The following LRRC75A variants were observed in gnomAD, a reference collection of about 807,000 sequenced individuals.
The protein encoded by LRRC75A is leucine-rich repeat-containing protein 75A.
Under a neutral mutation model 26.0 loss-of-function variants are expected in LRRC75A, and 12 were observed. The ratio of observed to expected loss-of-function variants is 0.46; its 90% CI spans 0.30 to 0.75. The LOEUF (loss-of-function observed/expected upper bound fraction) is 0.75, where lower values mean the gene tolerates loss of function less well. LRRC75A is among the 30% of genes least tolerant of loss of function. The probability of loss-of-function intolerance (pLI) is 0.08; values close to 1 mark genes in which losing one functional copy is unlikely to be tolerated. For synonymous variants in LRRC75A, 223 were observed against 219.3 expected (o/e 1.02, Z -0.15); for missense variants, 410 against 486.6 (o/e 0.84, Z 1.48).
At chr17:16,481,684 A>G (rs1380515519) in intron 1 of LRRC75A, among the ~76,000 whole-genome samples, 1 of 152,050 alleles carries the variant, frequency 6.6e-6, no homozygotes, top group Non-Finnish European at 1.5e-5. Context: ...CATTCAGCAC[A>G]GGAGGGGAGA....
intron 2 of LRRC75A, among the ~76,000 whole-genome samples, chr17:16,457,598 T>G (rs2093695206): frequency 6.6e-6 from 1 of 152,218 alleles, no homozygotes; most frequent in Non-Finnish European, 1.5e-5. Context: ...GTAGCAGGGC[T>G]GGTCTAAGTG....
intron 1 of LRRC75A, among the ~76,000 whole-genome samples, chr17:16,482,254 T>G (rs2093836084): frequency 6.6e-6 from 1 of 152,158 alleles, no homozygotes; most frequent in African/African-American, 2.4e-5. Flanking sequence ...TGGCTCCCTG[T>G]GGTGCTGGGT....
intron 1 of LRRC75A, among the ~76,000 whole-genome samples, chr17:16,479,301 C>T (rs926080068): frequency 6.6e-6 from 1 of 152,250 alleles, no homozygotes; most frequent in African/African-American, 2.4e-5. Flanking sequence ...GCCTGAGAGG[C>T]ACAGTGTTCC....
At position 16,491,688 on chromosome 17, in the gene LRRC75A, C is replaced by T. The variant is rs924792739; in HGVS notation, c.246+57G>A. The T allele has an allele frequency of 5.8e-6, 7 of 1,216,196 alleles. No individual in the cohort carries two copies. Among genetic ancestry groups the T allele is most frequent in the South Asian group, 2.5e-5 (1 of 39,882 alleles). The allele number at this position is 1,216,196 out of a possible 1,614,324, so 75.3% of individuals were successfully genotyped here. Reference sequence around the variant, plus strand: ...CTCGGTTAGGGATGGGGCGCCCCCCCCGGCCCAGCACGCCCCCTGGCCCGG... The same window carrying T: ...CTCGGTTAGGGATGGGGCGCCCCCCTCGGCCCAGCACGCCCCCTGGCCCGG... On this transcript the variant is annotated intron_variant, in intron 1 of 3. Transcript: ENST00000470794. This position sits in a 1 kb window ranked among gnomAD's most constrained non-coding sequence, Gnocchi z 5.9.
chr17:16,447,823 T>C (rs1340498006), intron 3 of LRRC75A, 22 bp downstream of exon 3: 1 of 1,507,838 alleles, frequency 6.6e-7, no homozygotes, highest in East Asian at 2.5e-5. Flanking sequence ...GGCATAGACC[T>C]GCCCGGGGGA....
chr17:16,450,303 T>G (rs11078342), intron 2 of LRRC75A, among the ~76,000 whole-genome samples: 29,446 of 152,074 alleles, frequency 0.19, 3,614 homozygotes, highest in Middle Eastern at 0.3. Context: ...AGAGAGGAGT[T>G]GGGAAGATGG....
At chr17:16,450,284 G>C (rs1038137395) in intron 2 of LRRC75A, among the ~76,000 whole-genome samples, 6 of 152,234 alleles carry the variant, frequency 3.9e-5, no homozygotes, top group Non-Finnish European at 8.8e-5. Flanking sequence ...TGAGGAAGGG[G>C]GACAAGAGAG....
rs73978890 is a variant in LRRC75A at position 16,448,279 on chromosome 17, G to A, written c.376-319C>T. ...CTGGCCAAGACTCACCATGATCCCT[G>A]CCACTCCCCAATGTCCAGGGCCGCT... On this transcript the variant is annotated intron_variant, in intron 2 of 3. Transcript: ENST00000470794. The A allele has an allele frequency of 5.5e-3, 2,109 of 382,962 alleles. 40 individuals are homozygous for A. The highest frequency in any genetic ancestry group is 0.041 in the African/African-American group (1,946 of 47,996). 23.7% of individuals were successfully genotyped at this position (382,962 alleles called of 1,614,324 possible).
intron 1 of LRRC75A, among the ~76,000 whole-genome samples, chr17:16,480,157 G>A (rs756166062): frequency 2.0e-5 from 3 of 152,198 alleles, no homozygotes; most frequent in African/African-American, 4.8e-5. Flanking sequence ...GAAGCTCAGC[G>A]CCCTCACTGA....
chr17:16,473,158 C>CGT (rs1568980356), intron 1 of LRRC75A, among the ~76,000 whole-genome samples: 2 of 151,792 alleles, frequency 1.3e-5, no homozygotes, highest in African/African-American at 4.8e-5. Context: ...TGTGCGCGCG[C>CGT]GCCCCAAGAA....
At chr17:16,484,535 C>G (rs1303787259) in intron 1 of LRRC75A, among the ~76,000 whole-genome samples, 2 of 152,114 alleles carry the variant, frequency 1.3e-5, no homozygotes, top group Non-Finnish European at 2.9e-5. Flanking sequence ...TGACCGCCAC[C>G]AACCACTTCC....
At chr17:16,445,158 ATTTTTT>A (rs766449990) in intron 3 of LRRC75A, among the ~76,000 whole-genome samples, 2,121 of 69,676 alleles carry the variant, frequency 0.03, 39 homozygotes, top group African/African-American at 0.04. Flanking sequence ...CATTTTCTGC[ATTTTTT>A]TTTTTTTTTT....
chr17:16,482,897 G>A (rs2093837910), intron 1 of LRRC75A, among the ~76,000 whole-genome samples: 1 of 152,242 alleles, frequency 6.6e-6, no homozygotes, highest in Admixed American at 6.5e-5. Context: ...GTGCCAGGCA[G>A]GGTTCTTGCC....
In LRRC75A at chr17:16,480,639, A is replaced by C. The variant is rs369572905; in HGVS notation, c.246+11106T>G. On this transcript the variant is annotated intron_variant, in intron 1 of 3. Coordinates refer to ENST00000470794, the MANE Select transcript of LRRC75A (RefSeq NM_001113567.3). ...AGCGAGACTTCGTCTCAAAAAAAAA[A>C]AAACAAAAAAAAAAAACTGGAGACC... is the stretch of plus-strand genomic sequence containing the variant. Among the ~76,000 whole-genome samples, 6 of 151,280 alleles carry C rather than the reference A, an allele frequency of 4.0e-5. No homozygotes were observed. The East Asian group carries it at 9.6e-4, about 24-fold the overall frequency.
intron 1 of LRRC75A, among the ~76,000 whole-genome samples, chr17:16,489,568 C>T (rs2143458639): frequency 6.6e-6 from 1 of 152,366 alleles, no homozygotes; most frequent in East Asian, 1.9e-4. Context: ...AGAGCCACTT[C>T]AGTGCACAGC....
At position 16,491,626 on chromosome 17, in the gene LRRC75A, G is replaced by A. The variant is rs1601211404; in HGVS notation, c.246+119C>T. The A allele has an allele frequency of 1.4e-6, 1 of 695,468 alleles. No individual in the cohort carries two copies. Among genetic ancestry groups the A allele is most frequent in the Non-Finnish European group, 2.0e-6 (1 of 505,192 alleles). The allele number at this position is 695,468 out of a possible 1,614,324, so 43.1% of individuals were successfully genotyped here. On this transcript the variant is annotated intron_variant, in intron 1 of 3. Coordinates refer to ENST00000470794, the MANE Select transcript of LRRC75A (RefSeq NM_001113567.3). This position sits in a 1 kb window ranked among gnomAD's most constrained non-coding sequence, Gnocchi z 5.9. ...AGACAGGGCTCCATCCCCGCGGAAG[G>A]GGCCCCTGGGCGGTGCCCCTCGGTG...
intron 2 of LRRC75A, among the ~76,000 whole-genome samples, chr17:16,452,756 C>T (rs780037737): frequency 5.3e-5 from 8 of 151,966 alleles, no homozygotes; most frequent in Non-Finnish European, 1.2e-4. Context: ...TTAAAAGGTC[C>T]CCAGGTGATT....
At chr17:16,484,722 G>A (rs2093842389) in intron 1 of LRRC75A, among the ~76,000 whole-genome samples, 1 of 152,174 alleles carries the variant, frequency 6.6e-6, no homozygotes, top group South Asian at 2.1e-4. Context: ...GCTGCAGGGA[G>A]TGGGAGGCAG....
chr17:16,488,829 G>A (rs766223613), intron 1 of LRRC75A, among the ~76,000 whole-genome samples: 2 of 152,152 alleles, frequency 1.3e-5, no homozygotes, highest in African/African-American at 4.8e-5. Context: ...CTGGAGAGAC[G>A]CCCTCCAAAT....
Sources: allele counts gnomAD v4.1 joint callset (sites outside exome capture counted in the v4.1 genomes callset), GRCh38; gene constraint gnomAD v4.1.1; non-coding constraint Gnocchi (gnomAD v3.1); transcripts MANE v1.5; gene names NCBI Gene and HGNC (gene_info 2026-07-23, HGNC 2026-07-21).